GLT6D1: variants seen among roughly 807,000 people sequenced by gnomAD.
GLT6D1 encodes putative glycosyltransferase 6 domain-containing protein 1.
GLT6D1 carries 9 observed loss-of-function variants against 12.3 expected under a neutral mutation model. The observed-to-expected ratio is 0.73, with a 90% CI of 0.44 to 1.27. GLT6D1 has a LOEUF of 1.27. GLT6D1 is among the 50% of genes most tolerant of loss of function. The pLI, the probability that GLT6D1 is intolerant of heterozygous loss-of-function variation, is 0.00. For missense variants in GLT6D1, 335 were observed against 346.2 expected, an observed-to-expected ratio of 0.97 and a Z score of 0.26; for synonymous variants, 128 against 132.3, an observed-to-expected ratio of 0.97 and a Z score of 0.23.
At chr9:135,639,785 C>T (rs1833854433), upstream of GLT6D1, among the ~76,000 whole-genome samples, 1 of 151,730 alleles carries the variant, frequency 6.6e-6, no homozygotes, top group Admixed American at 6.6e-5. Flanking sequence ...CCATAGGGAA[C>T]ACGCCACTGC....
Position 135,631,418 on chromosome 9 carries a change from T to C in GLT6D1, c.119+13A>G. The C allele has an allele frequency of 6.2e-7, 1 of 1,601,648 alleles. No homozygotes were observed. Among genetic ancestry groups the C allele is most frequent in the East Asian group, 2.2e-5 (1 of 44,810 alleles). On this transcript the variant is annotated intron_variant, in intron 3 of 4. Coordinates refer to ENST00000371763, the MANE Select transcript of GLT6D1 (RefSeq NM_182974.3). ...GTTTGTGTGTGCATGTAAACAGGCA[T>C]TTTTGTTCTTACCTAGGATGAAACC...
chr9:135,625,138 G>T (rs753870751), intron 4 of GLT6D1, among the ~76,000 whole-genome samples: 2 of 152,122 alleles, frequency 1.3e-5, no homozygotes, highest in African/African-American at 4.8e-5. Flanking sequence ...ATGTACAAGC[G>T]TGGAGGAGTC....
chr9:135,624,247 A>T lies in GLT6D1; in HGVS notation c.681T>A (p.Tyr227Ter). The change falls in exon 5 of 5, where the codon TAT (tyrosine) becomes TAA (stop). Residue 227 changes from tyrosine to a stop codon, truncating the protein, a stop_gained. Transcript: ENST00000371763. LOFTEE classifies it low-confidence loss of function (END_TRUNC). ...CIPFGQGDFYYGNLMVGGTPH... is the reference protein window; with the variant it reads ...CIPFGQGDFY ...GTGTGCCACCAACCATCAAGTTGCC[A>T]TAATAGAAATCTCCCTGTCCAAACG... 6.2e-7 allele frequency: 1 copy of T among 1,605,666 alleles called. No individual in the cohort carries two copies. The highest frequency in any genetic ancestry group is 1.1e-5 in the South Asian group (1 of 89,322).
Position 135,626,163 on chromosome 9 carries a change from C to A in GLT6D1, c.163G>T (p.Val55Phe), listed in dbSNP as rs528087693. 1.7e-5 allele frequency: 27 copies of A among 1,613,226 alleles called. No individual in the cohort carries two copies. In the South Asian group the frequency reaches 2.1e-4, roughly 12 times the overall value. The change falls in exon 4 of 5, where the codon GTC becomes TTC. Residue 55 changes from valine (V) to phenylalanine (F), a missense_variant. By Grantham distance (50) the Val-to-Phe change is conservative. Transcript: ENST00000371763. ...VITKTDWLAP[V>F]LWEGTFDRRV... is the part of the protein sequence containing the mutation. The stretch of plus-strand genomic sequence containing the variant: ...CTGTCGAAAGTCCCTTCCCATAGGA[C>A]AGGAGCGAGCCAGTCTGTTTTCGTT...
intron 4 of GLT6D1, 54 bp from the exon 5 acceptor site, chr9:135,624,724 CTT>C (rs72471205): frequency 0.082 from 45,136 of 547,536 alleles, 17 homozygotes; most frequent in East Asian, 0.18. Context: ...TCTTTTCTTT[CTT>C]TTTTTTTTTT....
Position 135,626,133 on chromosome 9 carries a change from C to G in GLT6D1, c.193G>C (p.Val65Leu). 1 of 1,614,086 alleles carries G rather than the reference C, an allele frequency of 6.2e-7. No individual in the cohort carries two copies. The highest frequency in any genetic ancestry group is 8.5e-7 in the Non-Finnish European group (1 of 1,179,986). Reference sequence around the variant, plus strand: ...CGCCTTCTGTAATGTTTTTCCAGGACCCGCCTGTCGAAAGTCCCTTCCCAT... The same window carrying G: ...CGCCTTCTGTAATGTTTTTCCAGGAGCCGCCTGTCGAAAGTCCCTTCCCAT... ...VLWEGTFDRR[V>L]LEKHYRRRNI... The change falls in exon 4 of 5, where the codon GTC becomes CTC. Residue 65 changes from valine (V) to leucine (L), a missense_variant. By Grantham distance (32) the Val-to-Leu change is conservative. Transcript: ENST00000371763.
intron 4 of GLT6D1, 26 bp from the exon 5 acceptor site, chr9:135,624,696 A>C (rs1327468989): frequency 2.3e-6 from 3 of 1,301,818 alleles, no homozygotes; most frequent in African/African-American, 1.6e-5. Context: ...TGGGGAAGAA[A>C]CTTACTTTTC....
chr9:135,636,142 G>A (rs1833768321), intron 2 of GLT6D1, among the ~76,000 whole-genome samples: 1 of 152,140 alleles, frequency 6.6e-6, no homozygotes, highest in East Asian at 1.9e-4. Flanking sequence ...ATCACCTGAG[G>A]TCAGGAGTTT....
chr9:135,630,175 G>A (rs1208324387), intron 3 of GLT6D1, among the ~76,000 whole-genome samples: 1 of 152,258 alleles, frequency 6.6e-6, no homozygotes, highest in African/African-American at 2.4e-5. Context: ...GGAGGCTAAG[G>A]AGGGTGGATC....
chr9:135,631,602 GC>G, intron 2 of GLT6D1, 124 bp from the exon 3 acceptor site: 1 of 748,032 alleles, frequency 1.3e-6, no homozygotes. Flanking sequence ...GTCAGGGGAA[GC>G]CTCCCAGAGA....
At chr9:135,634,608 G>T (rs1833728367) in intron 2 of GLT6D1, among the ~76,000 whole-genome samples, 1 of 151,808 alleles carries the variant, frequency 6.6e-6, no homozygotes, top group African/African-American at 2.4e-5. Context: ...TTAACATCTA[G>T]CTTTAGTAGG....
At position 135,625,000 on chromosome 9, in the gene GLT6D1, G is replaced by A. The variant is rs113688287; in HGVS notation, c.258-330C>T. Among the ~76,000 whole-genome samples, 488 of 151,124 alleles carry A rather than the reference G, an allele frequency of 3.2e-3. 1 individual carries two copies. Among genetic ancestry groups the A allele is most frequent in the African/African-American group, 0.011 (467 of 41,156 alleles). On this transcript the variant is annotated intron_variant, in intron 4 of 4. Transcript: ENST00000371763. ...CTCAGGTGATCCCACCCACCTCGGC[G>A]TCCTAAAGTGCTGGGATTACAGGCA...
chr9:135,630,178 G>T (rs1260486517), intron 3 of GLT6D1, among the ~76,000 whole-genome samples: 1 of 152,096 alleles, frequency 6.6e-6, no homozygotes, highest in African/African-American at 2.4e-5. Flanking sequence ...GGCTAAGGAG[G>T]GTGGATCACG....
rs1000283029 is a variant in GLT6D1 at position 135,623,902 on chromosome 9, A to C, written c.*195T>G. Reference sequence around the variant, plus strand: ...AGAAACATTTATTTGGGAAGGATGTAAATTTGTATGTCTCTAAAAAATGGA... The same window carrying C: ...AGAAACATTTATTTGGGAAGGATGTCAATTTGTATGTCTCTAAAAAATGGA... On this transcript the variant is annotated 3_prime_UTR_variant, in exon 5 of 5. Coordinates refer to ENST00000371763, the MANE Select transcript of GLT6D1 (RefSeq NM_182974.3). 2 of 511,740 alleles carry C rather than the reference A, an allele frequency of 3.9e-6. No individual in the cohort carries two copies. Among genetic ancestry groups the C allele is most frequent in the Non-Finnish European group, 6.9e-6 (2 of 291,478 alleles). The allele number at this position is 511,740 out of a possible 1,614,324, so 31.7% of individuals were successfully genotyped here.
chr9:135,625,875 C>T (rs1343576687), intron 4 of GLT6D1, among the ~76,000 whole-genome samples, 194 bp downstream of exon 4: 1 of 152,208 alleles, frequency 6.6e-6, no homozygotes, highest in East Asian at 1.9e-4. Flanking sequence ...CTAAAAGTCT[C>T]ACTTTCACTG....
chr9:135,639,058 A>T, intron 2 of GLT6D1, 59 bp downstream of exon 2: 1 of 937,544 alleles, frequency 1.1e-6, no homozygotes, highest in Non-Finnish European at 1.6e-6. Flanking sequence ...AATTTAATTA[A>T]ATTAAAACCA....
In GLT6D1 at chr9:135,624,613, T is replaced by C. The variant is rs1032186325; in HGVS notation, c.315A>G (p.Thr105=). The C allele has an allele frequency of 3.1e-6, 5 of 1,611,396 alleles. No individual in the cohort carries two copies. The African/African-American group carries it at 5.3e-5, about 17-fold the overall frequency. The change falls in exon 5 of 5, where the codon ACA becomes ACG. Residue 105 remains threonine, a synonymous_variant. Coordinates refer to ENST00000371763, the MANE Select transcript of GLT6D1 (RefSeq NM_182974.3). ...TGATGTAGAAGATCACTCGGTAGCC[T>C]GTCATGAAGTGCTTATTTGCGGAGT... ...FLHSANKHFM[T]GYRVIFYIMV...
Position 135,624,469 on chromosome 9 carries a change from G to C in GLT6D1, c.459C>G (p.Ser153Arg), listed in dbSNP as rs748324395. The change falls in exon 5 of 5, where the codon AGC becomes AGG. Residue 153 changes from serine (S) to arginine (R), a missense_variant. By Grantham distance (110) the Ser-to-Arg change is moderately radical. Coordinates refer to ENST00000371763, the MANE Select transcript of GLT6D1 (RefSeq NM_182974.3). ...TGTGACTGGCGATGTGTTCACCCAGGCTCTTCACATGCACCAGGGGGCCAT... is the reference window on the plus strand; with the variant it reads ...TGTGACTGGCGATGTGTTCACCCAGCCTCTTCACATGCACCAGGGGGCCAT... ...WLDGPLVHVK[S>R]LGEHIASHIQ... The C allele has an allele frequency of 4.0e-5, 65 of 1,613,812 alleles. No individual in the cohort carries two copies. The highest frequency in any genetic ancestry group is 5.4e-5 in the Non-Finnish European group (64 of 1,179,984).
rs778649111 is a variant in GLT6D1, at chr9:135,624,684, A to G, written c.258-14T>C. The G allele has an allele frequency of 2.1e-6, 3 of 1,419,842 alleles. No individual in the cohort carries two copies. In the South Asian group the frequency reaches 4.5e-5, roughly 21 times the overall value. 88.0% of individuals were successfully genotyped at this position (1,419,842 alleles called of 1,614,324 possible). ...TCCTCTGCAAACCTAGGAAACACAC[A>G]GTGGGGAAGAAACTTACTTTTCTCT... On this transcript the variant is annotated splice_polypyrimidine_tract_variant and intron_variant, in intron 4 of 4. Coordinates refer to ENST00000371763, the MANE Select transcript of GLT6D1 (RefSeq NM_182974.3).
Sources: gnomAD v4.1 joint callset for allele counts (sites outside exome capture counted in the v4.1 genomes callset) on GRCh38, gnomAD v4.1.1 for gene constraint, MANE v1.5 for transcripts, NCBI Gene and HGNC (gene_info 2026-07-23, HGNC 2026-07-21) for gene names.